Variants in CUL4A observed in about 807,000 individuals in gnomAD.
CUL4A encodes the protein cullin-4A.
A neutral mutation model predicts 95.5 loss-of-function variants in CUL4A; 16 were observed. The observed-to-expected ratio is 0.17, with a 90% CI of 0.11 to 0.25. CUL4A has a LOEUF of 0.25. Among genes scored for constraint, CUL4A ranks in the 10% least tolerant of loss-of-function variants. The probability of loss-of-function intolerance (pLI) is 1.00; values close to 1 mark genes in which losing one functional copy is unlikely to be tolerated. For missense variants in CUL4A, 610 were observed against 937.0 expected (o/e 0.65, Z 4.56); for synonymous variants, 380 against 353.1 (o/e 1.08, Z -0.85).
chr13:113,233,279 C>G lies in CUL4A; in HGVS notation c.615C>G (p.Ser205Arg), dbSNP rs369176830. The G allele has an allele frequency of 6.2e-7, 1 of 1,613,746 alleles. No individual in the cohort carries two copies. The highest frequency in any genetic ancestry group is 8.5e-7 in the Non-Finnish European group (1 of 1,179,988). ...GILLLIERER[S>R]GEAVDRSLLR... ...TACTGCTGATCGAGCGCGAGAGGAG[C>G]GGCGAGGCCGTGGACCGGAGCCTGT... The change falls in exon 6 of 20, where the codon AGC becomes AGG. Residue 205 changes from serine to arginine, a missense_variant. By Grantham distance (110) the Ser-to-Arg change is moderately radical (BLOSUM62 -1). Coordinates refer to ENST00000375440, the MANE Select transcript of CUL4A (RefSeq NM_001008895.4).
Position 113,266,154 on chromosome 13 carries a change from T to C in CUL4A, c.*2572T>C, listed in dbSNP as rs1456340952. 1 of 152,202 alleles carries C rather than the reference T, an allele frequency of 6.6e-6. No homozygotes were observed. The highest frequency in any genetic ancestry group is 1.9e-4 in the East Asian group (1 of 5,186). 9.4% of individuals were successfully genotyped at this position (152,202 alleles called of 1,614,324 possible). A position where few individuals can be genotyped will look rare whatever the true frequency, so the allele number is the denominator to read the frequency against. On this transcript the variant is annotated 3_prime_UTR_variant, in exon 20 of 20. Transcript: ENST00000375440. ...TCTCAGCCACCTGAGTAGCTGGGCC[T>C]ACAGGTGTACATCACCACGCCCAGA...
rs1449414640 is a variant in CUL4A at position 113,250,705 on chromosome 13, CA to C, written c.1639-2372del. 1.3e-5 allele frequency among the ~76,000 whole-genome samples: 2 copies of C among 151,806 alleles called. 1 individual carries two copies. Among genetic ancestry groups the C allele is most frequent in the African/African-American group, 4.8e-5 (2 of 41,296 alleles). On this transcript the variant is annotated intron_variant, in intron 15 of 19. Coordinates refer to ENST00000375440, the MANE Select transcript of CUL4A (RefSeq NM_001008895.4). ...TCACAAACCATGGTACTTCTCAAGG[CA>C]AAAAGAAAGAAGAGGCTTATCACAT...
chr13:113,256,546 T>C (rs541453231), intron 18 of CUL4A, among the ~76,000 whole-genome samples: 179 of 152,308 alleles, frequency 1.2e-3, no homozygotes, highest in African/African-American at 4.2e-3. Flanking sequence ...TGTCCTTCGC[T>C]CACCCTGTTC....
At chr13:113,210,752 C>T (rs1236581158) in intron 2 of CUL4A, among the ~76,000 whole-genome samples, 1 of 152,010 alleles carries the variant, frequency 6.6e-6, no homozygotes, top group Non-Finnish European at 1.5e-5. Flanking sequence ...TTTTAGGTCA[C>T]GATGTGTCAT....
At chr13:113,260,121 G>A (rs571379376) in intron 18 of CUL4A, among the ~76,000 whole-genome samples, 15 of 144,618 alleles carry the variant, frequency 1.0e-4, no homozygotes, top group South Asian at 2.3e-4. Context: ...GGAGAATGGC[G>A]TGAACCCGGG....
At chr13:113,208,307 C>A (rs2040095181), upstream of CUL4A, 3 of 1,431,588 alleles carry the variant, frequency 2.1e-6, no homozygotes, top group East Asian at 5.0e-5. Flanking sequence ...GCCACACGTG[C>A]CAGCAAGTGA....
intron 2 of CUL4A, among the ~76,000 whole-genome samples, chr13:113,212,990 C>T (rs1455419625): frequency 6.6e-6 from 1 of 152,102 alleles, no homozygotes; most frequent in Admixed American, 6.5e-5. Context: ...CCTTGTGTTT[C>T]CATGTGAATT....
At chr13:113,256,913 C>CTTTTTTTTTTCCTTT (rs1566372467) in intron 18 of CUL4A, among the ~76,000 whole-genome samples, 1 of 77,882 alleles carries the variant, frequency 1.3e-5, no homozygotes, top group Non-Finnish European at 2.4e-5. Flanking sequence ...TGCTTTGTCC[C>CTTTTTTTTTTCCTTT]TTTTTTTTTT....
chr13:113,236,269 G>A (rs982841298), intron 8 of CUL4A, among the ~76,000 whole-genome samples: 4 of 152,164 alleles, frequency 2.6e-5, no homozygotes, highest in South Asian at 2.1e-4. Flanking sequence ...GGGTGGCTCG[G>A]GGGCCATGTT....
intron 15 of CUL4A, among the ~76,000 whole-genome samples, chr13:113,249,604 T>C (rs1243959391): frequency 1.3e-5 from 2 of 152,210 alleles, no homozygotes; most frequent in Non-Finnish European, 2.9e-5. Flanking sequence ...CGGTCACTTA[T>C]TTTGGGGTAT....
At chr13:113,208,800 G>C (rs2040179954), upstream of CUL4A, 1 of 1,415,014 alleles carries the variant, frequency 7.1e-7, no homozygotes, top group East Asian at 2.7e-5. Context: ...GACGCGCTCG[G>C]GCTGAGGGGG....
chr13:113,247,015 C>G (rs148667617), intron 15 of CUL4A, among the ~76,000 whole-genome samples: 10 of 152,290 alleles, frequency 6.6e-5, no homozygotes, highest in Admixed American at 3.3e-4. Flanking sequence ...GCACCTGTGT[C>G]TGTGCAACTT....
Position 113,209,995 on chromosome 13 carries a change from C to T in CUL4A, c.171C>T (p.Asn57=), listed in dbSNP as rs1359497963. 3.3e-6 allele frequency: 5 copies of T among 1,519,620 alleles called. No homozygotes were observed. Among genetic ancestry groups the T allele is most frequent in the African/African-American group, 2.9e-5 (2 of 69,148 alleles). 94.1% of individuals were successfully genotyped at this position (1,519,620 alleles called of 1,614,324 possible). A position where few individuals can be genotyped will look rare whatever the true frequency, so the allele number is the denominator to read the frequency against. ...NFRDRPRLPD[N]YTQDTWRKLH... is the part of the protein sequence containing the mutation. ...CAGACAGACCTCGGCTGCCCGACAA[C>T]TACACGCAGGACACGTGGCGGAAGC... The change falls in exon 2 of 20, where the codon AAC becomes AAT. Residue 57 remains asparagine (N), a synonymous_variant. Transcript: ENST00000375440.
intron 18 of CUL4A, among the ~76,000 whole-genome samples, chr13:113,259,972 G>A (rs761057418): frequency 6.3e-4 from 92 of 146,692 alleles, no homozygotes; most frequent in Non-Finnish European, 1.1e-3. Flanking sequence ...TTGGGAGGCC[G>A]AGCCAGGTGG....
upstream of CUL4A, chr13:113,208,784 C>T (rs1012052033): frequency 2.3e-5 from 33 of 1,420,702 alleles, no homozygotes; most frequent in Non-Finnish European, 2.9e-5. Context: ...TGGGGACCGG[C>T]TCGGCGACGC....
intron 7 of CUL4A, 79 bp downstream of exon 7, chr13:113,234,065 C>A: frequency 1.3e-6 from 1 of 771,418 alleles, no homozygotes; most frequent in Non-Finnish European, 2.2e-6. Context: ...CTCATGTTTG[C>A]CTTTTCACAC....
chr13:113,229,203 A>T (rs916323774), intron 4 of CUL4A, among the ~76,000 whole-genome samples: 1 of 152,242 alleles, frequency 6.6e-6, no homozygotes, highest in Non-Finnish European at 1.5e-5. Flanking sequence ...AAAGAAAAAA[A>T]AGATACCATT....
intron 2 of CUL4A, among the ~76,000 whole-genome samples, chr13:113,215,887 G>A (rs1197193462): frequency 2.4e-5 from 3 of 123,688 alleles, no homozygotes; most frequent in Admixed American, 1.7e-4. Flanking sequence ...TGTGGAGGTC[G>A]CGTGTGTGAC....
chr13:113,262,916 G>A (rs1293490736), intron 19 of CUL4A: 2 of 127,426 alleles, frequency 1.6e-5, no homozygotes, highest in African/African-American at 3.2e-5. Context: ...TCGCTTATAC[G>A]TGCCCTTGCT....
Sources: gnomAD v4.1 joint callset for allele counts (sites outside exome capture counted in the v4.1 genomes callset) on GRCh38, gnomAD v4.1.1 for gene constraint, MANE v1.5 for transcripts, NCBI Gene and HGNC (gene_info 2026-07-23, HGNC 2026-07-21) for gene names.